Variants in DLGAP2 observed in about 807,000 individuals in gnomAD.
DLGAP2 encodes disks large-associated protein 2.
Under a neutral mutation model 100.3 loss-of-function variants are expected in DLGAP2, and 26 were observed. That is an observed-to-expected ratio of 0.26 (90% CI 0.19 to 0.36). The LOEUF is 0.36. Ranked by LOEUF, DLGAP2 falls within the 10% of genes least tolerant of loss-of-function variation. The probability of loss-of-function intolerance (pLI) is 1.00; values close to 1 mark genes in which losing one functional copy is unlikely to be tolerated. For missense variants in DLGAP2, 1,858 were observed against 1,453.2 expected (o/e 1.28, Z -4.53); for synonymous variants, 886 against 630.1 (o/e 1.41, Z -6.08).
In DLGAP2 at chr8:1,214,680, G is replaced by A. The variant is rs1400378640; in HGVS notation, c.74-44171G>A. On this transcript the variant is annotated intron_variant, in intron 2 of 14. Transcript: ENST00000637795. The stretch of plus-strand genomic sequence containing the variant: ...TCTGAGGTCCTTTTTAACAAGGACG[G>A]CGCCTTTCATTCTGTGCACTGCACC... Among the ~76,000 whole-genome samples the A allele has an allele frequency of 8.5e-5, 13 of 152,192 alleles. 1 individual carries two copies.
chr8:1,193,782 C>G (rs17753642), intron 2 of DLGAP2, among the ~76,000 whole-genome samples: 35,305 of 151,758 alleles, frequency 0.23, 4,231 homozygotes, highest in Middle Eastern at 0.42. Flanking sequence ...CCTCTAGAGC[C>G]TCCGCACCAT....
chr8:1,424,328 A>T (rs1050403954), intron 3 of DLGAP2, among the ~76,000 whole-genome samples: 7 of 152,224 alleles, frequency 4.6e-5, no homozygotes, highest in Non-Finnish European at 8.8e-5. Context: ...GTGCGTATCA[A>T]GGGCCCACTA....
At chr8:1,073,663 G>A (rs1236336172) in intron 2 of DLGAP2, among the ~76,000 whole-genome samples, 2 of 152,222 alleles carry the variant, frequency 1.3e-5, no homozygotes, top group Non-Finnish European at 2.9e-5. Context: ...GCACAGAGGA[G>A]CTGTGTGTGC....
At chr8:1,231,273 C>G (rs1024325480) in intron 2 of DLGAP2, among the ~76,000 whole-genome samples, 1 of 152,114 alleles carries the variant, frequency 6.6e-6, no homozygotes, top group Non-Finnish European at 1.5e-5. Context: ...AAATGTAAAT[C>G]AAACCACAAT....
At chr8:999,495 T>A (rs972928059) in intron 2 of DLGAP2, among the ~76,000 whole-genome samples, 1 of 151,208 alleles carries the variant, frequency 6.6e-6, no homozygotes, top group Non-Finnish European at 1.5e-5. Context: ...TTTTTTTTTT[T>A]CCCGATGGAG....
At chr8:1,310,745 C>T (rs957823896) in intron 3 of DLGAP2, among the ~76,000 whole-genome samples, 1 of 152,090 alleles carries the variant, frequency 6.6e-6, no homozygotes, top group African/African-American at 2.4e-5. Flanking sequence ...GCAACCTCTA[C>T]CTTCTGGGTT....
chr8:901,935 C>T (rs962037074), intron 1 of DLGAP2, among the ~76,000 whole-genome samples: 2 of 152,184 alleles, frequency 1.3e-5, no homozygotes, highest in Admixed American at 1.3e-4. Context: ...CCGGGATGGG[C>T]AGGGAGGAAA....
At chr8:1,500,132 T>C (rs769916473) in intron 3 of DLGAP2, among the ~76,000 whole-genome samples, 1 of 152,248 alleles carries the variant, frequency 6.6e-6, no homozygotes, top group South Asian at 2.1e-4. Context: ...GACAAAGATG[T>C]GTGTACGCAC....
intron 12 of DLGAP2, among the ~76,000 whole-genome samples, chr8:1,684,548 T>A (rs1799063005): frequency 6.6e-6 from 1 of 152,112 alleles, no homozygotes; most frequent in Non-Finnish European, 1.5e-5. Flanking sequence ...CAAAATATAA[T>A]TTCATAACAC....
At chr8:1,085,730 A>T (rs1803953762) in intron 2 of DLGAP2, among the ~76,000 whole-genome samples, 1 of 152,150 alleles carries the variant, frequency 6.6e-6, no homozygotes, top group African/African-American at 2.4e-5. Flanking sequence ...ACTTTTGCTC[A>T]TGATTTTCTT....
chr8:1,068,352 G>C (rs1361059051), intron 2 of DLGAP2, among the ~76,000 whole-genome samples: 2 of 152,242 alleles, frequency 1.3e-5, no homozygotes, highest in Non-Finnish European at 2.9e-5. Flanking sequence ...TGACAAGCAT[G>C]TGCTTAGTTT....
intron 5 of DLGAP2, among the ~76,000 whole-genome samples, chr8:1,563,569 G>A (rs974370423): frequency 6.6e-6 from 1 of 152,014 alleles, no homozygotes; most frequent in Non-Finnish European, 1.5e-5. Flanking sequence ...TCGTTGCTGC[G>A]GGACTGTGTG....
intron 2 of DLGAP2, among the ~76,000 whole-genome samples, chr8:1,176,143 A>T (rs945161088): frequency 4.6e-5 from 7 of 152,180 alleles, no homozygotes; most frequent in African/African-American, 1.7e-4. Flanking sequence ...GCCTCAGGAA[A>T]CTTACAATTG....
chr8:1,413,749 C>G (rs561885911), intron 3 of DLGAP2, among the ~76,000 whole-genome samples: 5 of 152,332 alleles, frequency 3.3e-5, no homozygotes, highest in Admixed American at 1.3e-4. Context: ...TCTGCAGGTG[C>G]AATGACAGGA....
At chr8:1,259,456 A>G (rs910413100) in intron 3 of DLGAP2, 2 of 152,288 alleles carry the variant, frequency 1.3e-5, no homozygotes, top group East Asian at 1.9e-4. Flanking sequence ...ATATTTTTCA[A>G]TGGTCTAATT....
intron 1 of DLGAP2, among the ~76,000 whole-genome samples, chr8:829,845 T>G (rs1796749249): frequency 6.6e-6 from 1 of 152,228 alleles, no homozygotes; most frequent in Non-Finnish European, 1.5e-5. Flanking sequence ...TCCTTGTCAA[T>G]CAAATATTCA....
At chr8:997,108 G>A (rs959308997) in intron 2 of DLGAP2, among the ~76,000 whole-genome samples, 10 of 152,182 alleles carry the variant, frequency 6.6e-5, no homozygotes, top group African/African-American at 2.4e-4. Flanking sequence ...TATGAAAATT[G>A]AGAAAAAAAC....
At chr8:981,525 C>T (rs1377152152) in intron 2 of DLGAP2, among the ~76,000 whole-genome samples, 1 of 152,054 alleles carries the variant, frequency 6.6e-6, no homozygotes, top group Non-Finnish European at 1.5e-5. Context: ...GCAGCTGCGC[C>T]GTTTTACATT....
intron 2 of DLGAP2, among the ~76,000 whole-genome samples, chr8:1,256,439 C>T (rs892495513): frequency 0.019 from 2,559 of 135,942 alleles, 224 homozygotes; most frequent in African/African-American, 0.069. Context: ...TGCGTCTGTC[C>T]TCTCCTGCCC....
Sources: allele counts gnomAD v4.1 joint callset (sites outside exome capture counted in the v4.1 genomes callset), GRCh38; gene constraint gnomAD v4.1.1; transcripts MANE v1.5; gene names NCBI Gene and HGNC (gene_info 2026-07-23, HGNC 2026-07-21).